The following RBFOX1 variants were observed in gnomAD, a reference collection of about 807,000 sequenced individuals.
The protein encoded by RBFOX1 is RNA binding fox-1 homolog 1.
A neutral mutation model predicts 57.7 loss-of-function variants in RBFOX1; 8 were observed. The ratio of observed to expected loss-of-function variants is 0.14; its 90% CI spans 0.08 to 0.25. RBFOX1 has a LOEUF of 0.25. Among genes scored for constraint, RBFOX1 ranks in the 10% least tolerant of loss-of-function variants. The probability of loss-of-function intolerance (pLI) is 1.00; values close to 1 mark genes in which losing one functional copy is unlikely to be tolerated. For missense variants in RBFOX1, 611 were observed against 548.5 expected (o/e 1.11, Z -1.14); for synonymous variants, 326 against 222.4 (o/e 1.47, Z -4.15).
chr16:7,241,223 A>G (rs1014124555), intron 4 of RBFOX1, among the ~76,000 whole-genome samples: 1 of 152,150 alleles, frequency 6.6e-6, no homozygotes, highest in African/African-American at 2.4e-5. Context: ...CATAAATCAC[A>G]CGGAGTTTTT....
chr16:5,940,846 G>A (rs1018306128), intron 4 of RBFOX1, among the ~76,000 whole-genome samples: 4 of 152,138 alleles, frequency 2.6e-5, no homozygotes, highest in Non-Finnish European at 5.9e-5. Flanking sequence ...GGATCTAGGT[G>A]GCTGGGTGGG....
At chr16:7,027,640 C>A (rs2041368134) in intron 3 of RBFOX1, among the ~76,000 whole-genome samples, 1 of 152,176 alleles carries the variant, frequency 6.6e-6, no homozygotes, top group Non-Finnish European at 1.5e-5. Context: ...CCAAGCCCAA[C>A]TTTCATTATT....
At chr16:7,706,527 G>A (rs1300480848) in intron 14 of RBFOX1, among the ~76,000 whole-genome samples, 4 of 152,284 alleles carry the variant, frequency 2.6e-5, no homozygotes, top group African/African-American at 9.6e-5. Flanking sequence ...CCCATATAGT[G>A]TCTCCCCAGA....
chr16:6,696,471 G>C (rs533285389), intron 3 of RBFOX1, among the ~76,000 whole-genome samples: 1 of 152,108 alleles, frequency 6.6e-6, no homozygotes, highest in Non-Finnish European at 1.5e-5. Context: ...AATTGGAGTC[G>C]ATGTAAATCC....
intron 3 of RBFOX1, among the ~76,000 whole-genome samples, chr16:5,651,448 C>T (rs938029005): frequency 6.6e-6 from 1 of 152,156 alleles, no homozygotes; most frequent in Admixed American, 6.5e-5. Context: ...CCCAGGTAGA[C>T]ACACACAGAA....
intron 5 of RBFOX1, among the ~76,000 whole-genome samples, chr16:7,558,558 T>C (rs1203547262): frequency 1.3e-5 from 2 of 152,150 alleles, no homozygotes; most frequent in Non-Finnish European, 2.9e-5. Context: ...TTTCTTACTA[T>C]ATATGCTTTA....
intron 4 of RBFOX1, among the ~76,000 whole-genome samples, chr16:7,283,686 G>C (rs906177639): frequency 6.6e-6 from 1 of 152,030 alleles, no homozygotes; most frequent in African/African-American, 2.4e-5. Flanking sequence ...CTCTCATATT[G>C]TTGCTTCTTA....
intron 3 of RBFOX1, among the ~76,000 whole-genome samples, chr16:6,969,583 A>G (rs1295374720): frequency 1.3e-5 from 2 of 150,560 alleles, no homozygotes. Flanking sequence ...AAAAATAAAA[A>G]TAAAAAAAAA....
chr16:7,172,106 A>G (rs928918478), intron 4 of RBFOX1, among the ~76,000 whole-genome samples: 6 of 152,246 alleles, frequency 3.9e-5, no homozygotes, highest in African/African-American at 1.4e-4. Context: ...CATCTGTAAA[A>G]TGAAACATCC....
chr16:6,963,502 T>A (rs1396828917), intron 3 of RBFOX1, among the ~76,000 whole-genome samples: 1 of 152,092 alleles, frequency 6.6e-6, no homozygotes, highest in African/African-American at 2.4e-5. Flanking sequence ...TGTTAGAGGA[T>A]CTGATTTGTT....
At position 7,266,923 on chromosome 16, in the gene RBFOX1, A is replaced by C. The variant is rs932392225; in HGVS notation, c.27+214825A>C. ...AGCACTCCTGGAGGTTGCTGGGGGGAGACTGGAAGACTGAGCAATAGGGAG... is the reference window on the plus strand; with the variant it reads ...AGCACTCCTGGAGGTTGCTGGGGGGCGACTGGAAGACTGAGCAATAGGGAG... On this transcript the variant is annotated intron_variant, in intron 4 of 15. Transcript: ENST00000550418. 3.3e-5 allele frequency among the ~76,000 whole-genome samples: 5 copies of C among 151,616 alleles called. No homozygotes were observed. The East Asian group carries it at 9.7e-4, about 30-fold the overall frequency.
chr16:7,292,154 A>G (rs904150988), intron 4 of RBFOX1, among the ~76,000 whole-genome samples: 3 of 131,474 alleles, frequency 2.3e-5, no homozygotes, highest in South Asian at 2.3e-4. Flanking sequence ...GATATATAAT[A>G]TAGAACGTAT....
intron 4 of RBFOX1, among the ~76,000 whole-genome samples, chr16:5,888,537 T>A (rs2057956945): frequency 6.6e-6 from 1 of 152,158 alleles, no homozygotes; most frequent in East Asian, 1.9e-4. Flanking sequence ...GGCTCACGCC[T>A]GTAATCCCAG....
At chr16:5,269,201 G>C (rs2062939925) in intron 1 of RBFOX1, among the ~76,000 whole-genome samples, 1 of 152,374 alleles carries the variant, frequency 6.6e-6, no homozygotes, top group African/African-American at 2.4e-5. Flanking sequence ...ACAGGCATGA[G>C]CCACCGCACC....
At chr16:6,724,485 G>A (rs2154167254) in intron 3 of RBFOX1, among the ~76,000 whole-genome samples, 1 of 152,248 alleles carries the variant, frequency 6.6e-6, no homozygotes, top group Non-Finnish European at 1.5e-5. Flanking sequence ...TGGGATTAAA[G>A]GCATTAGCCA....
chr16:6,679,878 G>GGTTTTTTTTTTTTT (rs1487919870), intron 3 of RBFOX1, among the ~76,000 whole-genome samples: 5 of 114,304 alleles, frequency 4.4e-5, no homozygotes, highest in Admixed American at 9.2e-5. Context: ...GTTTCTACTT[G>GGTTTTTTTTTTTTT]TTTTTTTTTT....
chr16:5,461,068 A>C (rs2068772281), intron 1 of RBFOX1, among the ~76,000 whole-genome samples: 1 of 152,038 alleles, frequency 6.6e-6, no homozygotes, highest in Non-Finnish European at 1.5e-5. Context: ...GTCATTTCCA[A>C]GGGGCTCCTG....
chr16:7,643,789 CAGAAA>C (rs1019457296), intron 11 of RBFOX1, among the ~76,000 whole-genome samples: 50 of 152,146 alleles, frequency 3.3e-4, no homozygotes, highest in Non-Finnish European at 4.7e-4. Flanking sequence ...ATCCAATTAG[CAGAAA>C]AGGAACAGGG....
chr16:6,639,743 G>C (rs952341967), intron 2 of RBFOX1, among the ~76,000 whole-genome samples: 3 of 152,102 alleles, frequency 2.0e-5, no homozygotes, highest in Non-Finnish European at 2.9e-5. Context: ...GTTGGTCAAG[G>C]TGTTGGGCGC....
Sources: allele counts gnomAD v4.1 joint callset (sites outside exome capture counted in the v4.1 genomes callset), GRCh38; gene constraint gnomAD v4.1.1; transcripts MANE v1.5; gene names NCBI Gene and HGNC (gene_info 2026-07-23, HGNC 2026-07-21).